Variants in DOCK3 observed in about 807,000 individuals in gnomAD.
DOCK3 encodes dedicator of cytokinesis 3.
A neutral mutation model predicts 265.6 loss-of-function variants in DOCK3; 60 were observed. The observed-to-expected ratio is 0.23, with a 90% CI of 0.18 to 0.28. The LOEUF (loss-of-function observed/expected upper bound fraction) is 0.28. Ranked by LOEUF, DOCK3 falls within the 10% of genes least tolerant of loss-of-function variation. The pLI is 1.00. For missense variants in DOCK3, 1,981 were observed against 2,594.3 expected, an observed-to-expected ratio of 0.76 and a Z score of 5.14; for synonymous variants, 881 against 938.0, an observed-to-expected ratio of 0.94 and a Z score of 1.11.
At chr3:51,049,052 C>T (rs568109074) in intron 5 of DOCK3, among the ~76,000 whole-genome samples, 16 of 152,244 alleles carry the variant, frequency 1.1e-4, no homozygotes, top group South Asian at 8.3e-4. Context: ...GTAGGCTAGG[C>T]GCTGTGGCTC....
At chr3:51,113,808 C>T (rs375423254) in intron 9 of DOCK3, among the ~76,000 whole-genome samples, 21 of 152,238 alleles carry the variant, frequency 1.4e-4, no homozygotes, top group East Asian at 1.3e-3. Flanking sequence ...AGACAAATAG[C>T]GTCAACAAAA....
rs1434789133 is a variant in DOCK3, at chr3:50,700,587, T to G, written c.37+25287T>G. 2.0e-5 allele frequency among the ~76,000 whole-genome samples: 3 copies of G among 152,254 alleles called. No individual in the cohort carries two copies. The East Asian group carries it at 5.8e-4, about 29-fold the overall frequency. On this transcript the variant is annotated intron_variant, in intron 1 of 52. Coordinates refer to ENST00000266037, the MANE Select transcript of DOCK3 (RefSeq NM_004947.5). ...TTCACATAATGACCTCTAGTTCCAA[T>G]TGTGTTGCTGCAAATGGCAGGATTT...
intron 39 of DOCK3, among the ~76,000 whole-genome samples, chr3:51,349,616 T>C (rs17051755): frequency 0.034 from 5,230 of 152,306 alleles, 325 homozygotes; most frequent in African/African-American, 0.12. Context: ...GCATTATAGC[T>C]ATCTTCCCAA....
In DOCK3 at chr3:51,380,198, C is replaced by T. The variant is rs1247347666; in HGVS notation, c.5574C>T (p.Thr1858=). The T allele has an allele frequency of 9.3e-6, 15 of 1,613,030 alleles. No individual in the cohort carries two copies. Among genetic ancestry groups the T allele is most frequent in the Non-Finnish European group, 1.3e-5 (15 of 1,179,494 alleles). The change falls in exon 52 of 53, where the codon ACC becomes ACT. Residue 1858 remains threonine, a synonymous_variant. Transcript: ENST00000266037. ...CCCCCCCAGCCCTCCCTGCCCGGAC[C>T]CTGCGCAAGGTAATGTACTGAAGCG... ...GDTPPALPAR[T]LRKSPLHPIP...
intron 1 of DOCK3, among the ~76,000 whole-genome samples, chr3:50,748,165 T>C (rs1429247494): frequency 1.3e-5 from 2 of 152,192 alleles, no homozygotes; most frequent in Admixed American, 1.3e-4. Flanking sequence ...GTAGACATTC[T>C]TTATTGTTTC....
chr3:51,099,743 A>G (rs182041128), intron 9 of DOCK3, among the ~76,000 whole-genome samples: 38 of 152,374 alleles, frequency 2.5e-4, no homozygotes, highest in Non-Finnish European at 4.7e-4. Flanking sequence ...TGAAGCTTAC[A>G]TAGTAGGGAC....
chr3:50,675,820 T>G lies in DOCK3; in HGVS notation c.37+520T>G, dbSNP rs2033911695. On this transcript the variant is annotated intron_variant, in intron 1 of 52. Coordinates refer to ENST00000266037, the MANE Select transcript of DOCK3 (RefSeq NM_004947.5). This position sits in a 1 kb window ranked among gnomAD's most constrained non-coding sequence, Gnocchi z 6.1. The stretch of plus-strand genomic sequence containing the variant: ...TTGATCTGTTTTAATTTGTTTTGCC[T>G]TTAGTATTAGAAATAATACCTTACG... 6.6e-6 allele frequency among the ~76,000 whole-genome samples: 1 copy of G among 152,220 alleles called. No individual in the cohort carries two copies. Among genetic ancestry groups the G allele is most frequent in the Non-Finnish European group, 1.5e-5 (1 of 68,032 alleles).
At chr3:51,166,772 C>T (rs1426143778) in intron 12 of DOCK3, among the ~76,000 whole-genome samples, 2 of 152,134 alleles carry the variant, frequency 1.3e-5, no homozygotes, top group Non-Finnish European at 1.5e-5. Flanking sequence ...TTTGGGAAAA[C>T]GTCTTTCAGG....
chr3:51,289,013 C>G (rs1248788038), intron 27 of DOCK3, among the ~76,000 whole-genome samples: 1 of 151,334 alleles, frequency 6.6e-6, no homozygotes, highest in African/African-American at 2.4e-5. Flanking sequence ...AGATGAGAGA[C>G]TTGAGTATAA....
chr3:51,066,431 A>G (rs1425000301), intron 6 of DOCK3, among the ~76,000 whole-genome samples: 1 of 152,212 alleles, frequency 6.6e-6, no homozygotes, highest in African/African-American at 2.4e-5. Context: ...CTCACAAAAG[A>G]ATAAGTATCA....
intron 22 of DOCK3, among the ~76,000 whole-genome samples, chr3:51,253,546 A>G (rs2079379305): frequency 1.3e-5 from 2 of 151,954 alleles, no homozygotes; most frequent in African/African-American, 2.4e-5. Context: ...TACAGAGCCT[A>G]TTATTGGTCT....
In DOCK3 at chr3:50,780,211, A is replaced by T. The variant is rs561609783; in HGVS notation, c.121+1453A>T. Among the ~76,000 whole-genome samples, 6 of 152,350 alleles carry T rather than the reference A, an allele frequency of 3.9e-5. No individual in the cohort carries two copies. In the South Asian group the frequency reaches 1.2e-3, roughly 32 times the overall value. On this transcript the variant is annotated intron_variant, in intron 2 of 52. Coordinates refer to ENST00000266037, the MANE Select transcript of DOCK3 (RefSeq NM_004947.5). ...GAAGGTAATTTTCTTTATCTAATAA[A>T]TGATAGCTACTAAAATACCTGCAGC...
At chr3:51,249,394 C>G in intron 22 of DOCK3, among the ~76,000 whole-genome samples, 1 of 141,674 alleles carries the variant, frequency 7.1e-6, no homozygotes, top group Admixed American at 6.8e-5. Context: ...AGCCCCCCGC[C>G]CGGCCAGCCG....
At chr3:50,982,800 G>T (rs1406896613) in intron 5 of DOCK3, among the ~76,000 whole-genome samples, 1 of 152,166 alleles carries the variant, frequency 6.6e-6, no homozygotes, top group African/African-American at 2.4e-5. Flanking sequence ...GCAGAGAGGG[G>T]CCCAGCAAGG....
intron 3 of DOCK3, among the ~76,000 whole-genome samples, chr3:50,843,968 T>C (rs1410534555): frequency 6.6e-6 from 1 of 152,198 alleles, no homozygotes; most frequent in Non-Finnish European, 1.5e-5. Flanking sequence ...TATATATCCT[T>C]TATTTGTGCT....
chr3:51,104,615 A>G (rs1336614208), intron 9 of DOCK3, among the ~76,000 whole-genome samples: 2 of 152,156 alleles, frequency 1.3e-5, no homozygotes, highest in Non-Finnish European at 2.9e-5. Context: ...TGAGTGAACA[A>G]TTTTAGTGGG....
At chr3:50,928,728 G>A (rs1559826931) in intron 4 of DOCK3, among the ~76,000 whole-genome samples, 1 of 152,008 alleles carries the variant, frequency 6.6e-6, no homozygotes, top group South Asian at 2.1e-4. Context: ...TGTTTATCAG[G>A]CAATTTCATA....
At chr3:50,809,270 G>A (rs181965292) in intron 2 of DOCK3, among the ~76,000 whole-genome samples, 1 of 152,306 alleles carries the variant, frequency 6.6e-6, no homozygotes, top group Admixed American at 6.5e-5. Flanking sequence ...CAAAAGGCTT[G>A]AGTAGGCTCC....
At chr3:51,254,298 A>G (rs570678768) in intron 22 of DOCK3, among the ~76,000 whole-genome samples, 4 of 152,296 alleles carry the variant, frequency 2.6e-5, no homozygotes, top group South Asian at 2.1e-4. Context: ...TATGTGGTCA[A>G]TTTTGGAATA....
Sources: gnomAD v4.1 joint callset for allele counts (sites outside exome capture counted in the v4.1 genomes callset) on GRCh38, gnomAD v4.1.1 for gene constraint, Gnocchi (gnomAD v3.1) non-coding constraint, MANE v1.5 for transcripts, NCBI Gene and HGNC (gene_info 2026-07-23, HGNC 2026-07-21) for gene names.